ITGB6: variants seen among roughly 807,000 people sequenced by gnomAD.
The protein encoded by ITGB6 is integrin subunit beta 6.
Under a neutral mutation model 84.5 loss-of-function variants are expected in ITGB6, and 80 were observed. That is an observed-to-expected ratio of 0.95 (90% CI 0.79 to 1.14). The LOEUF (loss-of-function observed/expected upper bound fraction) is 1.14. Among genes scored for constraint, ITGB6 ranks in the 50% most tolerant of loss-of-function variants. ITGB6 has a pLI of 0.00. For missense variants in ITGB6, 1,006 were observed against 968.0 expected (o/e 1.04, Z -0.52); for synonymous variants, 383 against 354.9 (o/e 1.08, Z -0.89).
intron 12 of ITGB6, among the ~76,000 whole-genome samples, chr2:160,120,229 G>C (rs1574050371): frequency 6.6e-6 from 1 of 151,700 alleles, no homozygotes. Flanking sequence ...TATGTTTATT[G>C]TGGCACTATT....
intron 12 of ITGB6, among the ~76,000 whole-genome samples, chr2:160,122,866 AAG>A (rs1207149280): frequency 1.3e-5 from 2 of 152,302 alleles, no homozygotes; most frequent in African/African-American, 2.4e-5. Flanking sequence ...CCATCTATTC[AAG>A]AGACACATCC....
chr2:160,192,325 G>C (rs997280250), intron 4 of ITGB6, among the ~76,000 whole-genome samples: 1 of 151,984 alleles, frequency 6.6e-6, no homozygotes, highest in African/African-American at 2.4e-5. Flanking sequence ...ACACATATAT[G>C]GTCAATTGCT....
At position 160,196,259 on chromosome 2, in the gene ITGB6, A is replaced by C; in HGVS notation, c.303T>G (p.Ile101Met). 1 of 1,614,070 alleles carries C rather than the reference A, an allele frequency of 6.2e-7. No individual in the cohort carries two copies. Among genetic ancestry groups the C allele is most frequent in the Non-Finnish European group, 8.5e-7 (1 of 1,179,978 alleles). Residue 101 changes from isoleucine (I) to methionine (M), a missense_variant, in exon 3 of 15, where the codon ATT (isoleucine) becomes ATG (methionine). By Grantham distance (10) the Ile-to-Met change is conservative. Transcript: ENST00000283249. ...TCAAGCTTTGAGGCGCAATCTGAAC[A>C]ATGTCAGAACTATTTTTCTGTCTGC... ...SVGRQKNSSDIVQIAPQSLIL... is the reference protein window; with the variant it reads ...SVGRQKNSSDMVQIAPQSLIL...
chr2:160,173,473 A>G (rs1327756644), intron 5 of ITGB6, among the ~76,000 whole-genome samples: 2 of 152,162 alleles, frequency 1.3e-5, no homozygotes, highest in Non-Finnish European at 2.9e-5. Flanking sequence ...GCCTAAAGAC[A>G]GGGGAATAAT....
chr2:160,112,900 AAAAGT>A (rs1172675417), intron 12 of ITGB6, among the ~76,000 whole-genome samples: 30 of 152,232 alleles, frequency 2.0e-4, no homozygotes, highest in African/African-American at 7.0e-4. Flanking sequence ...GACAGAAATT[AAAAGT>A]AAAGTAAAAT....
Position 160,126,620 on chromosome 2 carries a change from T to C in ITGB6, c.1661-19A>G. 1 of 1,603,644 alleles carries C rather than the reference T, an allele frequency of 6.2e-7. No homozygotes were observed. The highest frequency in any genetic ancestry group is 8.5e-7 in the Non-Finnish European group (1 of 1,172,438). The stretch of plus-strand genomic sequence containing the variant: ...CCGTTACCTGTAACACAAAATGCTC[T>C]ATGCTTCTCACAGCCCCAAAACACT... On this transcript the variant is annotated intron_variant, in intron 10 of 14. Coordinates refer to ENST00000283249, the MANE Select transcript of ITGB6 (RefSeq NM_000888.5).
chr2:160,158,077 T>A (rs1684693443), intron 7 of ITGB6, among the ~76,000 whole-genome samples: 1 of 152,176 alleles, frequency 6.6e-6, no homozygotes, highest in Non-Finnish European at 1.5e-5. Context: ...TAATTGTTCC[T>A]GGCACAAGGG....
At chr2:160,110,762 G>A (rs966628831) in intron 13 of ITGB6, among the ~76,000 whole-genome samples, 2 of 152,124 alleles carry the variant, frequency 1.3e-5, no homozygotes, top group African/African-American at 2.4e-5. Flanking sequence ...CCTCCACCAG[G>A]CCACCCTGGG....
Position 160,176,332 on chromosome 2 carries a change from C to A in ITGB6, c.594-2193G>T, listed in dbSNP as rs139049191. ...TGGCCCACACTGGCCTCTGTGACAT[C>A]CCCTTCTCTGTCCTGCCCTAGCCCA... On this transcript the variant is annotated intron_variant, in intron 4 of 14. Coordinates refer to ENST00000283249, the MANE Select transcript of ITGB6 (RefSeq NM_000888.5). Among the ~76,000 whole-genome samples, 783 of 152,334 alleles carry A rather than the reference C, an allele frequency of 5.1e-3. 6 individuals are homozygous for A. Among genetic ancestry groups the A allele is most frequent in the Non-Finnish European group, 6.1e-3 (412 of 68,036 alleles).
intron 10 of ITGB6, among the ~76,000 whole-genome samples, chr2:160,136,915 G>T (rs540465019): frequency 7.2e-4 from 110 of 151,782 alleles, no homozygotes; most frequent in South Asian, 2.9e-3. Flanking sequence ...GTGGGGGGAA[G>T]GGGGAGGGAT....
At chr2:160,105,788 A>G (rs570165087) in intron 14 of ITGB6, among the ~76,000 whole-genome samples, 8 of 152,338 alleles carry the variant, frequency 5.3e-5, no homozygotes, top group African/African-American at 1.9e-4. Context: ...GCCAGGGGTC[A>G]GGTGAAGTGA....
chr2:160,183,788 G>A (rs1414857448), intron 4 of ITGB6, among the ~76,000 whole-genome samples: 2 of 152,150 alleles, frequency 1.3e-5, no homozygotes, highest in Non-Finnish European at 2.9e-5. Flanking sequence ...ATAACAAACA[G>A]TCTCTCATAC....
intron 14 of ITGB6, among the ~76,000 whole-genome samples, chr2:160,104,741 C>A (rs73968024): frequency 0.037 from 5,693 of 152,228 alleles, 298 homozygotes; most frequent in African/African-American, 0.12. Context: ...AAAAAAAATT[C>A]TAATCAAAGA....
chr2:160,196,816 G>C (rs1686361025), intron 2 of ITGB6, among the ~76,000 whole-genome samples: 2 of 151,940 alleles, frequency 1.3e-5, no homozygotes, highest in African/African-American at 2.4e-5. Flanking sequence ...ATCTGCTCAG[G>C]GTGACCTGTA....
At position 160,177,101 on chromosome 2, in the gene ITGB6, T is replaced by A. The variant is rs185752323; in HGVS notation, c.594-2962A>T. 9.1e-3 allele frequency among the ~76,000 whole-genome samples: 1,382 copies of A among 152,130 alleles called. 17 individuals are homozygous for A. The highest frequency in any genetic ancestry group is 0.031 in the African/African-American group (1,272 of 41,512). On this transcript the variant is annotated intron_variant, in intron 4 of 14. Transcript: ENST00000283249. ...TATGGCATGGCATCATTGTTTTTTT[T>A]AAAAAAAACTATACTAGTTGATTAG...
At chr2:160,115,154 C>T (rs1288139811) in intron 12 of ITGB6, among the ~76,000 whole-genome samples, 1 of 152,242 alleles carries the variant, frequency 6.6e-6, no homozygotes, top group Non-Finnish European at 1.5e-5. Flanking sequence ...AGTAGTGGTT[C>T]TCCCAGCACA....
At chr2:160,143,224 G>T (rs955177723) in intron 7 of ITGB6, among the ~76,000 whole-genome samples, 7 of 152,156 alleles carry the variant, frequency 4.6e-5, no homozygotes, top group African/African-American at 9.7e-5. Flanking sequence ...GGTTGAGGCT[G>T]CAGTGAGCTG....
At chr2:160,161,819 C>T (rs552998638) in intron 7 of ITGB6, among the ~76,000 whole-genome samples, 15 of 152,248 alleles carry the variant, frequency 9.9e-5, no homozygotes, top group Middle Eastern at 3.4e-3. Flanking sequence ...ACAACTACTT[C>T]GGAAAGCAAC....
rs956905093 is a variant in ITGB6 at position 160,112,205 on chromosome 2, G to C, written c.1982-6C>G. ...AGAACCATCCTTTGAGAAATCTGCA[G>C]ATAAAGGAGTCATTCATTAGGTTAA... On this transcript the variant is annotated splice_region_variant and splice_polypyrimidine_tract_variant and intron_variant, in intron 12 of 14. Transcript: ENST00000283249. The C allele has an allele frequency of 5.5e-5, 88 of 1,604,884 alleles. No individual in the cohort carries two copies. Among genetic ancestry groups the C allele is most frequent in the Non-Finnish European group, 6.5e-5 (76 of 1,176,292 alleles).
Sources: gnomAD v4.1 joint callset for allele counts (sites outside exome capture counted in the v4.1 genomes callset) on GRCh38, gnomAD v4.1.1 for gene constraint, MANE v1.5 for transcripts, NCBI Gene and HGNC (gene_info 2026-07-23, HGNC 2026-07-21) for gene names.